Variants in GPC5 observed in about 807,000 individuals in gnomAD.
The protein encoded by GPC5 is glypican-5.
Under a neutral mutation model 53.9 loss-of-function variants are expected in GPC5, and 47 were observed. The ratio of observed to expected loss-of-function variants is 0.87; its 90% CI spans 0.69 to 1.11. The LOEUF is 1.11. Among genes scored for constraint, GPC5 ranks in the 50% most tolerant of loss-of-function variants. The pLI is 0.00. For missense variants in GPC5, 748 were observed against 713.1 expected (o/e 1.05, Z -0.56); for synonymous variants, 286 against 263.3 (o/e 1.09, Z -0.84).
At chr13:91,504,548 C>T (rs1295717008) in intron 2 of GPC5, among the ~76,000 whole-genome samples, 1 of 151,762 alleles carries the variant, frequency 6.6e-6, no homozygotes, top group African/African-American at 2.4e-5. Flanking sequence ...GCAACTACTT[C>T]GAAAATAAAA....
intron 7 of GPC5, among the ~76,000 whole-genome samples, chr13:92,481,573 C>T (rs1338552547): frequency 1.3e-5 from 2 of 152,172 alleles, no homozygotes; most frequent in African/African-American, 2.4e-5. Context: ...CATTTGCTTA[C>T]ATCTCCCGTT....
At chr13:92,458,296 C>A (rs1878349067) in intron 7 of GPC5, among the ~76,000 whole-genome samples, 1 of 105,394 alleles carries the variant, frequency 9.5e-6, no homozygotes, top group African/African-American at 3.9e-5. Context: ...AGTTATTATT[C>A]TTTTTTTGGG....
intron 7 of GPC5, among the ~76,000 whole-genome samples, chr13:92,734,949 G>T (rs1055619677): frequency 2.6e-5 from 4 of 151,708 alleles, no homozygotes; most frequent in Non-Finnish European, 5.9e-5. Context: ...TAAAAAGATA[G>T]GTTATTTTAT....
At chr13:91,910,523 A>G (rs1325410369) in intron 6 of GPC5, among the ~76,000 whole-genome samples, 1 of 152,136 alleles carries the variant, frequency 6.6e-6, no homozygotes, top group African/African-American at 2.4e-5. Context: ...GAAAAATGCC[A>G]TCTCTCACCA....
At chr13:92,604,497 C>A (rs932237181) in intron 7 of GPC5, among the ~76,000 whole-genome samples, 1 of 152,262 alleles carries the variant, frequency 6.6e-6, no homozygotes, top group South Asian at 2.1e-4. Flanking sequence ...CTAGAACTTT[C>A]TAAATTTTAT....
intron 2 of GPC5, among the ~76,000 whole-genome samples, chr13:91,476,800 C>T (rs575837143): frequency 6.6e-6 from 1 of 152,250 alleles, no homozygotes; most frequent in African/African-American, 2.4e-5. Context: ...TAAGCAGAGG[C>T]AGCATCATAT....
At chr13:92,128,549 T>C (rs1210642956) in intron 6 of GPC5, among the ~76,000 whole-genome samples, 1 of 152,248 alleles carries the variant, frequency 6.6e-6, no homozygotes, top group Admixed American at 6.5e-5. Context: ...GAATGATTGT[T>C]ATACCAACAA....
chr13:91,537,171 GAAGAA>G lies in GPC5; in HGVS notation c.325+88254_325+88258del, dbSNP rs1886629786. On this transcript the variant is annotated intron_variant, in intron 2 of 7. Coordinates refer to ENST00000377067, the MANE Select transcript of GPC5 (RefSeq NM_004466.6). The stretch of plus-strand genomic sequence containing the variant: ...GAGCAAACTAAACCCAAAATGTACA[GAAGAA>G]AAGACGTAATAAATGATTTTAAAGG... 3.3e-5 allele frequency among the ~76,000 whole-genome samples: 5 copies of G among 151,978 alleles called. No individual in the cohort carries two copies. The South Asian group carries it at 1.0e-3, about 32-fold the overall frequency.
chr13:91,936,970 A>T (rs1437595692), intron 6 of GPC5, among the ~76,000 whole-genome samples: 3 of 152,054 alleles, frequency 2.0e-5, no homozygotes, highest in African/African-American at 4.8e-5. Flanking sequence ...CTGACGGCTT[A>T]TCTCATATGC....
At chr13:91,625,158 G>C (rs1403052545) in intron 2 of GPC5, among the ~76,000 whole-genome samples, 1 of 151,324 alleles carries the variant, frequency 6.6e-6, no homozygotes, top group Non-Finnish European at 1.5e-5. Context: ...AATGAGAAAG[G>C]GCATAAAACT....
intron 7 of GPC5, among the ~76,000 whole-genome samples, chr13:92,342,614 C>A (rs1378851137): frequency 6.6e-6 from 1 of 152,022 alleles, no homozygotes. Context: ...CACTTCCCAG[C>A]CTCCAGAACT....
intron 4 of GPC5, among the ~76,000 whole-genome samples, chr13:91,743,786 A>C (rs1389243619): frequency 6.6e-6 from 1 of 152,204 alleles, no homozygotes; most frequent in African/African-American, 2.4e-5. Flanking sequence ...ACACAGCTCC[A>C]CCATGATCTG....
intron 7 of GPC5, among the ~76,000 whole-genome samples, chr13:92,178,782 C>G (rs776756979): frequency 3.3e-4 from 50 of 152,036 alleles, no homozygotes; most frequent in East Asian, 1.9e-4. Context: ...CAAGACCATC[C>G]TGGTTAACAT....
At chr13:92,248,218 G>T (rs1268816812) in intron 7 of GPC5, among the ~76,000 whole-genome samples, 3 of 150,980 alleles carry the variant, frequency 2.0e-5, no homozygotes, top group South Asian at 4.2e-4. Context: ...AAAAAAAACA[G>T]ATTTTTAGCC....
chr13:91,801,817 T>C (rs1389276410), intron 5 of GPC5, among the ~76,000 whole-genome samples: 2 of 152,186 alleles, frequency 1.3e-5, no homozygotes, highest in Non-Finnish European at 2.9e-5. Context: ...AGTATTTGAA[T>C]TCAAGCAGTT....
intron 2 of GPC5, among the ~76,000 whole-genome samples, chr13:91,452,038 A>G (rs1300874797): frequency 6.6e-6 from 1 of 152,002 alleles, no homozygotes; most frequent in Non-Finnish European, 1.5e-5. Flanking sequence ...TCCAAAGTGC[A>G]ATGGTGTGAT....
chr13:92,478,025 C>G (rs7991283), intron 7 of GPC5, among the ~76,000 whole-genome samples: 101,318 of 152,028 alleles, frequency 0.67, 34,114 homozygotes, highest in Non-Finnish European at 0.68. Context: ...CTTTGTTGTT[C>G]ATACAGATAA....
chr13:91,517,797 G>A (rs904950284), intron 2 of GPC5, among the ~76,000 whole-genome samples: 8 of 152,172 alleles, frequency 5.3e-5, no homozygotes, highest in Non-Finnish European at 1.2e-4. Flanking sequence ...GAGGCGAAAG[G>A]CACTTCTTAC....
Position 92,120,952 on chromosome 13 carries a change from T to C in GPC5, c.1402-23878T>C, listed in dbSNP as rs1471731971. Among the ~76,000 whole-genome samples, 6 of 152,208 alleles carry C rather than the reference T, an allele frequency of 3.9e-5. No individual in the cohort carries two copies. The East Asian group carries it at 1.2e-3, about 29-fold the overall frequency. ...TAATATTATTTCCTATCCACTAGCA[T>C]ACTTTTTAATCCCAACAGCAAAGTT... On this transcript the variant is annotated intron_variant, in intron 6 of 7. Transcript: ENST00000377067.
Sources: gnomAD v4.1 joint callset for allele counts (sites outside exome capture counted in the v4.1 genomes callset) on GRCh38, gnomAD v4.1.1 for gene constraint, MANE v1.5 for transcripts, NCBI Gene and HGNC (gene_info 2026-07-23, HGNC 2026-07-21) for gene names.